Variants in JSRP1 observed in about 807,000 individuals in gnomAD.
JSRP1 encodes the protein 2310032K21Rik.
Under a neutral mutation model 21.4 loss-of-function variants are expected in JSRP1, and 29 were observed. The observed-to-expected ratio is 1.36, with a 90% CI of 1.01 to 1.85. The LOEUF is 1.85. Among genes scored for constraint, JSRP1 ranks in the 40% most tolerant of loss-of-function variants. The pLI is 0.00. For synonymous variants in JSRP1, 221 were observed against 206.1 expected, an observed-to-expected ratio of 1.07 and a Z score of -0.62; for missense variants, 531 against 461.5, an observed-to-expected ratio of 1.15 and a Z score of -1.38.
rs1159746350 is a variant in JSRP1, at chr19:2,255,329, C to T, written c.-15G>A. ...GTCATGGACATGGCTGGAGCAGCAG[C>T]AGGTCCCAGGCCAGGCTGGGAGGGG... On this transcript the variant is annotated 5_prime_UTR_variant, in exon 2 of 7. Coordinates refer to ENST00000300961, the MANE Select transcript of JSRP1 (RefSeq NM_144616.4). 4 of 1,578,730 alleles carry T rather than the reference C, an allele frequency of 2.5e-6. No individual in the cohort carries two copies. The highest frequency in any genetic ancestry group is 3.5e-6 in the Non-Finnish European group (4 of 1,153,570).
intron 4 of JSRP1, 128 bp downstream of exon 4, chr19:2,254,059 C>T: frequency 1.3e-6 from 1 of 777,068 alleles, no homozygotes; most frequent in Non-Finnish European, 2.1e-6. Flanking sequence ...TGACTCGCTG[C>T]CTGCCACACT....
intron 4 of JSRP1, 32 bp downstream of exon 4, chr19:2,254,155 C>T: frequency 6.6e-7 from 1 of 1,525,086 alleles, no homozygotes; most frequent in South Asian, 1.2e-5. Context: ...CGTTCCCACC[C>T]CACACCTCAC....
Position 2,253,797 on chromosome 19 carries a change from C to T in JSRP1, c.263-4G>A. ...CGCGCGGGGACGCTCCGAGGGCCTG[C>T]GGGGGCAAGTGCGCGCTGCGCTGTG... On this transcript the variant is annotated splice_region_variant and splice_polypyrimidine_tract_variant and intron_variant, in intron 4 of 6. Coordinates refer to ENST00000300961, the MANE Select transcript of JSRP1 (RefSeq NM_144616.4). 2 of 1,385,398 alleles carry T rather than the reference C, an allele frequency of 1.4e-6. No individual in the cohort carries two copies. The highest frequency in any genetic ancestry group is 1.8e-6 in the Non-Finnish European group (2 of 1,081,456). 85.8% of individuals were successfully genotyped at this position (1,385,398 alleles called of 1,614,324 possible).
Position 2,252,813 on chromosome 19 carries a change from GGTCC to G in JSRP1, c.529-21_529-18del, listed in dbSNP as rs777928699. 3.7e-5 allele frequency: 59 copies of G among 1,602,064 alleles called. 1 individual carries two copies. In the South Asian group the frequency reaches 6.5e-4, roughly 18 times the overall value. ...GAACTTAGGCTGCAAGACAGAGTGG[GGTCC>G]TGGGGTAAGCGCCCACCTTCCCCCC... On this transcript the variant is annotated intron_variant, in intron 6 of 6. Coordinates refer to ENST00000300961, the MANE Select transcript of JSRP1 (RefSeq NM_144616.4).
At chr19:2,255,545 C>T (rs1356920207) in intron 1 of JSRP1, among the ~76,000 whole-genome samples, 1 of 152,250 alleles carries the variant, frequency 6.6e-6, no homozygotes, top group Non-Finnish European at 1.5e-5. Flanking sequence ...CCTGGGACCC[C>T]TCCCTACCGC....
At chr19:2,253,838 C>T (rs763044709) in intron 4 of JSRP1, 45 bp from the exon 5 acceptor site, 65 of 1,350,056 alleles carry the variant, frequency 4.8e-5, no homozygotes, top group Non-Finnish European at 6.1e-5. Flanking sequence ...TGGCTCTGTG[C>T]CGCCCCCTTC....
rs1320964469 is a variant in JSRP1 at position 2,252,650 on chromosome 19, C to T, written c.675G>A (p.Glu225=). Residue 225 remains glutamate, a synonymous_variant, in exon 7 of 7, where the codon GAG becomes GAA. Coordinates refer to ENST00000300961, the MANE Select transcript of JSRP1 (RefSeq NM_144616.4). ...PGEATGEAVR[E]DRVTLADRGP... ...CCCGGTCTGCGAGGGTCACACGGTCCTCCCGGACGGCCTCTCCGGTGGCCT... is the reference window on the plus strand; with the variant it reads ...CCCGGTCTGCGAGGGTCACACGGTCTTCCCGGACGGCCTCTCCGGTGGCCT... The T allele has an allele frequency of 6.2e-7, 1 of 1,612,210 alleles. No homozygotes were observed. Among genetic ancestry groups the T allele is most frequent in the African/African-American group, 1.3e-5 (1 of 74,928 alleles).
intron 5 of JSRP1, 89 bp from the exon 6 acceptor site, chr19:2,253,092 C>T: frequency 1.1e-6 from 1 of 942,420 alleles, no homozygotes; most frequent in Non-Finnish European, 1.6e-6. Context: ...GCCCCCCTCC[C>T]TGGACAGTTG....
At position 2,252,941 on chromosome 19, in the gene JSRP1, A is replaced by T; in HGVS notation, c.499T>A (p.Ser167Thr). Residue 167 changes from serine (S) to threonine (T), a missense_variant, in exon 6 of 7, where the codon TCA (serine) becomes ACA (threonine). Physicochemically the swap from Ser to Thr is moderately conservative, Grantham distance 58. Transcript: ENST00000300961. ...RVPEPWVPPSSAPREPSSPLP... is the reference protein window; with the variant it reads ...RVPEPWVPPSTAPREPSSPLP... ...GGCGACGATGGCTCCCTCGGGGCTGAGCTTGGCGGGACCCAGGGCTCGGGC... is the reference window on the plus strand; with the variant it reads ...GGCGACGATGGCTCCCTCGGGGCTGTGCTTGGCGGGACCCAGGGCTCGGGC... 1 of 1,610,442 alleles carries T rather than the reference A, an allele frequency of 6.2e-7. No homozygotes were observed. The highest frequency in any genetic ancestry group is 8.5e-7 in the Non-Finnish European group (1 of 1,178,860).
intron 1 of JSRP1, among the ~76,000 whole-genome samples, chr19:2,256,073 T>A (rs1164140672): frequency 6.6e-6 from 1 of 152,194 alleles, no homozygotes; most frequent in Non-Finnish European, 1.5e-5. Flanking sequence ...GAGCTTCAAG[T>A]CAGACCCAAA....
At position 2,255,198 on chromosome 19, in the gene JSRP1, A is replaced by G. The variant is rs756776312; in HGVS notation, c.109+8T>C. Reference sequence around the variant, plus strand: ...AAGGGCTTCCTCCCGCCAGCGCCACAAGGGTACCTGAAGCCCTGTCCTCCT... The same window carrying G: ...AAGGGCTTCCTCCCGCCAGCGCCACGAGGGTACCTGAAGCCCTGTCCTCCT... On this transcript the variant is annotated splice_region_variant and intron_variant, in intron 2 of 6. Transcript: ENST00000300961. 5.7e-6 allele frequency: 9 copies of G among 1,579,938 alleles called. No individual in the cohort carries two copies. Among genetic ancestry groups the G allele is most frequent in the Non-Finnish European group, 6.9e-6 (8 of 1,156,556 alleles).
chr19:2,252,472 C>G lies in JSRP1; in HGVS notation c.853G>C (p.Glu285Gln). 6.2e-7 allele frequency: 1 copy of G among 1,611,884 alleles called. No individual in the cohort carries two copies. The highest frequency in any genetic ancestry group is 8.5e-7 in the Non-Finnish European group (1 of 1,179,758). The change falls in exon 7 of 7, where the codon GAA becomes CAA. Residue 285 changes from glutamate to glutamine, a missense_variant. Transcript: ENST00000300961. ...EALPQRWESR[E>Q]GGHRPWARDS... is the part of the protein sequence containing the mutation. ...CGTGCCCACGGCCGGTGGCCCCCTT[C>G]GCGTGACTCCCAGCGCTGGGGTAGG...
intron 5 of JSRP1, 45 bp from the exon 6 acceptor site, chr19:2,253,048 G>A: frequency 1.5e-6 from 2 of 1,350,876 alleles, no homozygotes; most frequent in Middle Eastern, 1.8e-4. Context: ...GCCGAGGCAC[G>A]GTCCACACTG....
intron 1 of JSRP1, among the ~76,000 whole-genome samples, chr19:2,256,017 G>A (rs1294514825): frequency 6.6e-6 from 1 of 152,216 alleles, no homozygotes; most frequent in Non-Finnish European, 1.5e-5. Context: ...TAGGACAGAT[G>A]AGGAAACCGA....
rs757714449 is a variant in JSRP1 at position 2,252,550 on chromosome 19, C to G, written c.775G>C (p.Glu259Gln). The change falls in exon 7 of 7, where the codon GAG becomes CAG. Residue 259 changes from glutamate to glutamine, a missense_variant. Transcript: ENST00000300961. The stretch of plus-strand genomic sequence containing the variant: ...GGCCTCTCCTCTTTCCGCGGCCTCT[C>G]TTTCTTAGGTCTCTCCTCCTTCCGC... Reference protein sequence around the residue: ...KPRKEERPKKERPRKEERPRA... With the variant: ...KPRKEERPKKQRPRKEERPRA... The G allele has an allele frequency of 6.8e-6, 11 of 1,612,946 alleles. No homozygotes were observed. In the Middle Eastern group the frequency reaches 6.7e-4, roughly 98 times the overall value.
At position 2,256,131 on chromosome 19, in the gene JSRP1, T is replaced by C. The variant is rs538990635; in HGVS notation, c.-31+252A>G. ...TGGCCTCTGGCTGCTGGGATTAGGGTGTCCCTGTATCTAGGCTGAAAAACC... is the reference window on the plus strand; with the variant it reads ...TGGCCTCTGGCTGCTGGGATTAGGGCGTCCCTGTATCTAGGCTGAAAAACC... On this transcript the variant is annotated intron_variant, in intron 1 of 6. Coordinates refer to ENST00000300961, the MANE Select transcript of JSRP1 (RefSeq NM_144616.4). Among the ~76,000 whole-genome samples, 4 of 152,172 alleles carry C rather than the reference T, an allele frequency of 2.6e-5. No individual in the cohort carries two copies. In the East Asian group the frequency reaches 7.7e-4, roughly 29 times the overall value.
rs2025123828 is a variant in JSRP1, at chr19:2,254,783, T to C, written c.110-301A>G. ...GGCCTGCACCTGTGGCCCCAGCTAC[T>C]TGGGAGGCTGAGGCAGGAGGATCAC... On this transcript the variant is annotated intron_variant, in intron 2 of 6. Transcript: ENST00000300961. Among the ~76,000 whole-genome samples, 7 of 151,122 alleles carry C rather than the reference T, an allele frequency of 4.6e-5. No homozygotes were observed. In the South Asian group the frequency reaches 1.5e-3, roughly 32 times the overall value.
chr19:2,255,609 C>T (rs1407614491), intron 1 of JSRP1, among the ~76,000 whole-genome samples: 1 of 152,226 alleles, frequency 6.6e-6, no homozygotes, highest in African/African-American at 2.4e-5. Flanking sequence ...GCTGCTCTGG[C>T]CCAGAGAGGG....
At chr19:2,255,119 TA>T in intron 2 of JSRP1, 86 bp downstream of exon 2, 1 of 843,744 alleles carries the variant, frequency 1.2e-6, no homozygotes, top group Non-Finnish European at 1.9e-6. Flanking sequence ...TGTGGGAGGC[TA>T]AGAAGCTCTA....
Sources: gnomAD v4.1 joint callset for allele counts (sites outside exome capture counted in the v4.1 genomes callset) on GRCh38, gnomAD v4.1.1 for gene constraint, MANE v1.5 for transcripts, NCBI Gene and HGNC (gene_info 2026-07-23, HGNC 2026-07-21) for gene names.